The following UGCG variants were observed in gnomAD, a reference collection of about 807,000 sequenced individuals.
UGCG encodes UDP-glucose ceramide glucosyltransferase.
In UGCG, 10 loss-of-function variants were observed where a neutral mutation model predicts 49.5. The ratio of observed to expected loss-of-function variants is 0.20; its 90% confidence interval spans 0.12 to 0.34. The LOEUF (loss-of-function observed/expected upper bound fraction) is 0.34, where lower values mean the gene tolerates loss of function less well. Ranked by LOEUF, UGCG falls within the 10% of genes least tolerant of loss-of-function variation. UGCG has a pLI of 1.00. For missense variants in UGCG, 312 were observed against 483.7 expected (o/e 0.65, Z 3.33); for synonymous variants, 182 against 158.2 (o/e 1.15, Z -1.13).
At chr9:111,902,813 T>C (rs1015476115) in intron 1 of UGCG, among the ~76,000 whole-genome samples, 27 of 152,076 alleles carry the variant, frequency 1.8e-4, no homozygotes, top group African/African-American at 6.5e-4. Context: ...AGTCTCATTC[T>C]GTTGCCCAGG....
At chr9:111,915,603 A>G (rs917092343) in intron 2 of UGCG, among the ~76,000 whole-genome samples, 12 of 152,044 alleles carry the variant, frequency 7.9e-5, no homozygotes, top group Non-Finnish European at 1.5e-4. Context: ...TTTTTACCCT[A>G]TTGCCTCAGT....
At chr9:111,902,207 C>T (rs1222086683) in intron 1 of UGCG, among the ~76,000 whole-genome samples, 1 of 152,160 alleles carries the variant, frequency 6.6e-6, no homozygotes, top group African/African-American at 2.4e-5. Context: ...CCTTATGGCA[C>T]CCAGCCATCT....
At chr9:111,928,322 A>G (rs1463719247) in intron 5 of UGCG, among the ~76,000 whole-genome samples, 1 of 152,176 alleles carries the variant, frequency 6.6e-6, no homozygotes, top group East Asian at 1.9e-4. Flanking sequence ...ATAAAATACA[A>G]TGTGTTCTAG....
rs1019204600 is a variant in UGCG at position 111,934,877 on chromosome 9, A to G, written c.*1880A>G. Reference sequence around the variant, plus strand: ...AACCAGTCTGGTTGTGACCCACTACATGTTTTGTTTTTAATCACTATTACC... The same window carrying G: ...AACCAGTCTGGTTGTGACCCACTACGTGTTTTGTTTTTAATCACTATTACC... On this transcript the variant is annotated 3_prime_UTR_variant, in exon 9 of 9. Transcript: ENST00000374279. The G allele has an allele frequency of 6.6e-6, 1 of 152,154 alleles. No individual in the cohort carries two copies. The highest frequency in any genetic ancestry group is 1.5e-5 in the Non-Finnish European group (1 of 68,026). The allele number at this position is 152,154 out of a possible 1,614,324, so 9.4% of individuals were successfully genotyped here. A position where few individuals can be genotyped will look rare whatever the true frequency, so the allele number is the denominator to read the frequency against.
chr9:111,924,781 C>A lies in UGCG; in HGVS notation c.348C>A (p.Gly116=). The stretch of plus-strand genomic sequence containing the variant: ...ACTGTACCTTTACATTTTTAGGTGG[C>A]AAAAAAGTTGGCATTAATCCTAAAA... The part of the protein sequence containing the change: ...PNVDARLFIG[G]KKVGINPKIN... The change falls in exon 4 of 9, where the codon GGC becomes GGA. Residue 116 remains glycine (G), a synonymous_variant. Coordinates refer to ENST00000374279, the MANE Select transcript of UGCG (RefSeq NM_003358.3). The A allele has an allele frequency of 6.6e-7, 1 of 1,516,752 alleles. No individual in the cohort carries two copies. Among genetic ancestry groups the A allele is most frequent in the Non-Finnish European group, 8.8e-7 (1 of 1,138,532 alleles). 94.0% of individuals were successfully genotyped at this position (1,516,752 alleles called of 1,614,324 possible).
At chr9:111,920,422 C>T (rs1324151925) in intron 2 of UGCG, among the ~76,000 whole-genome samples, 3 of 152,164 alleles carry the variant, frequency 2.0e-5, no homozygotes, top group South Asian at 2.1e-4. Flanking sequence ...AGTACAGTGG[C>T]GCAATCTCGG....
At chr9:111,900,988 G>A (rs1369021378) in intron 1 of UGCG, among the ~76,000 whole-genome samples, 2 of 151,934 alleles carry the variant, frequency 1.3e-5, no homozygotes, top group Non-Finnish European at 2.9e-5. Flanking sequence ...TGGGACTACC[G>A]GTGCATGCCA....
chr9:111,912,439 C>T (rs1486041127), intron 1 of UGCG, among the ~76,000 whole-genome samples: 1 of 151,890 alleles, frequency 6.6e-6, no homozygotes, highest in Non-Finnish European at 1.5e-5. Flanking sequence ...GTTAGCTGGG[C>T]ATGGTGGTGC....
intron 1 of UGCG, among the ~76,000 whole-genome samples, chr9:111,903,662 C>T (rs1837820195): frequency 6.6e-6 from 1 of 152,176 alleles, no homozygotes; most frequent in South Asian, 2.1e-4. Flanking sequence ...GTAGTGCGAT[C>T]ATGGCTCACC....
intron 1 of UGCG, 45 bp from the exon 2 acceptor site, chr9:111,914,560 C>G: frequency 1.3e-6 from 2 of 1,581,744 alleles, no homozygotes; most frequent in East Asian, 2.2e-5. Context: ...TGATTTGACA[C>G]TAATGTATTC....
chr9:111,897,106 C>T lies in UGCG; in HGVS notation c.-110C>T, dbSNP rs1476807240. The T allele has an allele frequency of 1.3e-5, 6 of 471,198 alleles. No homozygotes were observed. Among genetic ancestry groups the T allele is most frequent in the African/African-American group, 1.1e-4 (5 of 45,888 alleles). The allele number at this position is 471,198 out of a possible 1,614,324, so 29.2% of individuals were successfully genotyped here. Reference sequence around the variant, plus strand: ...CTCCGCCCTTTCCTCTCCCCACCTTCCTCTCGCCTCCCGCGCCCCCGCACC... The same window carrying T: ...CTCCGCCCTTTCCTCTCCCCACCTTTCTCTCGCCTCCCGCGCCCCCGCACC... On this transcript the variant is annotated 5_prime_UTR_variant, in exon 1 of 9. Transcript: ENST00000374279.
intron 1 of UGCG, among the ~76,000 whole-genome samples, chr9:111,900,212 G>A (rs951590131): frequency 1.3e-5 from 2 of 151,602 alleles, no homozygotes; most frequent in Non-Finnish European, 2.9e-5. Flanking sequence ...CCTGATGGTA[G>A]TGTTTCTCTT....
At chr9:111,908,584 C>G (rs1234568602) in intron 1 of UGCG, among the ~76,000 whole-genome samples, 3 of 152,126 alleles carry the variant, frequency 2.0e-5, no homozygotes, top group African/African-American at 7.2e-5. Context: ...ATAAAAAGTA[C>G]CCCCCACACC....
At position 111,929,562 on chromosome 9, in the gene UGCG, T is replaced by C; in HGVS notation, c.621T>C (p.Cys207=). 1 of 1,614,098 alleles carries C rather than the reference T, an allele frequency of 6.2e-7. No homozygotes were observed. The highest frequency in any genetic ancestry group is 8.5e-7 in the Non-Finnish European group (1 of 1,180,008). The change falls in exon 6 of 9, where the codon TGT becomes TGC. Residue 207 remains cysteine, a synonymous_variant. Transcript: ENST00000374279. ...YISANVTGFK[C]VTGMSCLMRK... is the part of the protein sequence containing the mutation. ...CTGCCAATGTAACTGGTTTCAAATG[T>C]GTGACAGGAATGTCTTGTTTAATGA...
intron 1 of UGCG, among the ~76,000 whole-genome samples, chr9:111,906,205 A>C (rs928963251): frequency 1.3e-5 from 2 of 152,194 alleles, no homozygotes; most frequent in Non-Finnish European, 2.9e-5. Context: ...AGTAAATTAA[A>C]GTTCGTATGT....
chr9:111,926,403 T>C lies in UGCG; in HGVS notation c.465T>C (p.Thr155=), dbSNP rs1589528317. 1.2e-6 allele frequency: 2 copies of C among 1,609,780 alleles called. No homozygotes were observed. Among genetic ancestry groups the C allele is most frequent in the Non-Finnish European group, 1.7e-6 (2 of 1,177,388 alleles). Residue 155 remains threonine, a synonymous_variant, in exon 5 of 9, where the codon ACT becomes ACC. Transcript: ENST00000374279. ...TTGTAGTAATTCCAGATACGCTTAC[T>C]GACATGGTGAATCAAATGACAGAAA... ...SGIRVIPDTL[T]DMVNQMTEKV... is the part of the protein sequence containing the mutation.
rs894154944 is a variant in UGCG, at chr9:111,933,891, G to A, written c.*894G>A. The A allele has an allele frequency of 6.6e-6, 1 of 152,142 alleles. No individual in the cohort carries two copies. Among genetic ancestry groups the A allele is most frequent in the Non-Finnish European group, 1.5e-5 (1 of 68,034 alleles). The allele number at this position is 152,142 out of a possible 1,614,324, so 9.4% of individuals were successfully genotyped here. ...GAGTGGTTTCATTTTAGTGTGAGTG[G>A]ATGTTTTGATAGTTGTAAGGAAAAA... On this transcript the variant is annotated 3_prime_UTR_variant, in exon 9 of 9. Coordinates refer to ENST00000374279, the MANE Select transcript of UGCG (RefSeq NM_003358.3).
intron 2 of UGCG, among the ~76,000 whole-genome samples, chr9:111,916,698 T>G (rs1838117361): frequency 6.6e-6 from 1 of 151,538 alleles, no homozygotes; most frequent in Non-Finnish European, 1.5e-5. Flanking sequence ...ACTCTTGGGC[T>G]CAAGCAATCC....
chr9:111,898,601 C>T (rs1005547330), intron 1 of UGCG, among the ~76,000 whole-genome samples: 6 of 152,026 alleles, frequency 3.9e-5, no homozygotes, highest in Non-Finnish European at 7.4e-5. Context: ...AGTCACAGCA[C>T]ATTCTGGAGT....
Sources: gnomAD v4.1 joint callset for allele counts (sites outside exome capture counted in the v4.1 genomes callset) on GRCh38, gnomAD v4.1.1 for gene constraint, MANE v1.5 for transcripts, NCBI Gene and HGNC (gene_info 2026-07-23, HGNC 2026-07-21) for gene names.